The following HHAT variants were observed in gnomAD, a reference collection of about 807,000 sequenced individuals.
The protein encoded by HHAT is protein-cysteine N-palmitoyltransferase HHAT.
HHAT carries 47 observed loss-of-function variants against 70.8 expected under a neutral mutation model. The observed-to-expected ratio is 0.66, with a 90% confidence interval of 0.53 to 0.85. The LOEUF is 0.85. Among genes scored for constraint, HHAT ranks in the 40% least tolerant of loss-of-function variants. The pLI is 0.00. For missense variants in HHAT, 609 were observed against 604.8 expected, an observed-to-expected ratio of 1.01 and a Z score of -0.07; for synonymous variants, 228 against 247.6, an observed-to-expected ratio of 0.92 and a Z score of 0.74.
chr1:210,578,531 T>A (rs1251098422), intron 9 of HHAT, among the ~76,000 whole-genome samples: 1 of 152,220 alleles, frequency 6.6e-6, no homozygotes, highest in Non-Finnish European at 1.5e-5. Context: ...CCATATTCAT[T>A]TCAGCATTAT....
At chr1:210,334,262 G>C (rs115559165) in intron 1 of HHAT, among the ~76,000 whole-genome samples, 2,172 of 142,876 alleles carry the variant, frequency 0.015, 43 homozygotes, top group African/African-American at 0.054. Context: ...AACTTCCCAG[G>C]CTCCCACCTC....
In HHAT at chr1:210,572,060, G is replaced by A. The variant is rs539619144; in HGVS notation, c.1044-15838G>A. Among the ~76,000 whole-genome samples, 3 of 152,194 alleles carry A rather than the reference G, an allele frequency of 2.0e-5. No individual in the cohort carries two copies. The South Asian group carries it at 6.2e-4, about 32-fold the overall frequency. On this transcript the variant is annotated intron_variant, in intron 9 of 11. Transcript: ENST00000261458. ...GAGCGTGGGATGATGGTCTTGCTTT[G>A]TTTCCGTAAATGTTACACTGGCACG...
intron 9 of HHAT, among the ~76,000 whole-genome samples, chr1:210,570,447 C>A (rs1004183871): frequency 5.9e-5 from 9 of 152,170 alleles, no homozygotes; most frequent in African/African-American, 2.2e-4. Flanking sequence ...CAGTGTAGCC[C>A]CTGGGAACTA....
chr1:210,479,293 A>G (rs770940894), intron 8 of HHAT, among the ~76,000 whole-genome samples: 93 of 152,270 alleles, frequency 6.1e-4, no homozygotes, highest in Middle Eastern at 6.8e-3. Flanking sequence ...TTGAGCACCT[A>G]CTATGGGCCA....
chr1:210,499,946 G>A (rs1288278623), intron 8 of HHAT, among the ~76,000 whole-genome samples: 7 of 152,148 alleles, frequency 4.6e-5, no homozygotes, highest in Non-Finnish European at 1.0e-4. Flanking sequence ...TGATAATAAA[G>A]TCAAATACAT....
rs145634534 is a variant in HHAT at position 210,492,056 on chromosome 1, C to T, written c.1008-21097C>T. ...GGGATTATGGGTGTGAGCCACTGCACCTGGCCCTGTCTTTAGTTCCTATAA... is the reference window on the plus strand; with the variant it reads ...GGGATTATGGGTGTGAGCCACTGCATCTGGCCCTGTCTTTAGTTCCTATAA... On this transcript the variant is annotated intron_variant, in intron 8 of 11. Transcript: ENST00000261458. Among the ~76,000 whole-genome samples the T allele has an allele frequency of 2.6e-3, 390 of 152,280 alleles. 1 individual carries two copies. Among genetic ancestry groups the T allele is most frequent in the African/African-American group, 8.8e-3 (367 of 41,548 alleles).
intron 6 of HHAT, among the ~76,000 whole-genome samples, chr1:210,413,339 G>C (rs1226165110): frequency 1.3e-5 from 2 of 152,156 alleles, no homozygotes; most frequent in African/African-American, 4.8e-5. Flanking sequence ...CCTGGCTTCT[G>C]TTTAAACAGC....
chr1:210,532,270 A>G (rs2095322846), intron 9 of HHAT, among the ~76,000 whole-genome samples: 1 of 152,214 alleles, frequency 6.6e-6, no homozygotes, highest in Non-Finnish European at 1.5e-5. Flanking sequence ...GAGAAAGTGC[A>G]TCTGATTACA....
intron 9 of HHAT, among the ~76,000 whole-genome samples, chr1:210,535,734 G>A (rs184384886): frequency 1.3e-5 from 2 of 152,244 alleles, no homozygotes; most frequent in South Asian, 2.1e-4. Context: ...AGAAAATATA[G>A]CAAAGGTTTT....
intron 9 of HHAT, among the ~76,000 whole-genome samples, chr1:210,534,519 T>C (rs1573103922): frequency 6.6e-6 from 1 of 152,144 alleles, no homozygotes; most frequent in Non-Finnish European, 1.5e-5. Context: ...CTAGAAGTGT[T>C]GAATTTTAAT....
At chr1:210,385,454 G>A (rs1558407769) in intron 3 of HHAT, among the ~76,000 whole-genome samples, 1 of 152,122 alleles carries the variant, frequency 6.6e-6, no homozygotes, top group Admixed American at 6.5e-5. Flanking sequence ...GTGGATCAGG[G>A]ATCAGGAGCC....
chr1:210,440,928 A>G (rs932125018), intron 7 of HHAT, among the ~76,000 whole-genome samples: 3 of 152,226 alleles, frequency 2.0e-5, no homozygotes, highest in Non-Finnish European at 4.4e-5. Flanking sequence ...TTTATGCAGA[A>G]AATAAGATTC....
intron 9 of HHAT, among the ~76,000 whole-genome samples, chr1:210,577,777 G>A (rs1379831562): frequency 2.0e-5 from 3 of 149,622 alleles, no homozygotes; most frequent in Non-Finnish European, 4.4e-5. Flanking sequence ...CTTACAAATA[G>A]TGGGATTACA....
intron 11 of HHAT, among the ~76,000 whole-genome samples, chr1:210,657,620 C>T (rs562100584): frequency 9.2e-5 from 14 of 152,348 alleles, no homozygotes; most frequent in South Asian, 2.1e-4. Context: ...CCAACAACTG[C>T]TCTAGGAAAA....
At chr1:210,381,783 C>T (rs752680128) in intron 3 of HHAT, among the ~76,000 whole-genome samples, 2 of 152,116 alleles carry the variant, frequency 1.3e-5, no homozygotes, top group Non-Finnish European at 2.9e-5. Context: ...TCCAAAAAGA[C>T]TCCAAAAACA....
chr1:210,477,117 A>T (rs12031202), intron 8 of HHAT, among the ~76,000 whole-genome samples: 16,253 of 152,218 alleles, frequency 0.11, 992 homozygotes, highest in East Asian at 0.23. Context: ...GACTGAAGAG[A>T]CAGGTGACAA....
intron 10 of HHAT, among the ~76,000 whole-genome samples, chr1:210,601,604 A>G (rs1664280223): frequency 6.6e-6 from 1 of 152,150 alleles, no homozygotes. Flanking sequence ...TCAGCACCTT[A>G]TGTAGAAGAC....
intron 8 of HHAT, among the ~76,000 whole-genome samples, chr1:210,478,848 G>A (rs1415186997): frequency 6.6e-6 from 1 of 152,170 alleles, no homozygotes; most frequent in Admixed American, 6.5e-5. Flanking sequence ...CCCGAGGAAT[G>A]TGTCATGAAA....
chr1:210,641,528 C>T (rs769911845), intron 11 of HHAT, among the ~76,000 whole-genome samples: 2 of 152,176 alleles, frequency 1.3e-5, no homozygotes, highest in African/African-American at 2.4e-5. Context: ...TATGTTTGAA[C>T]TTTATTTAAA....
Sources: gnomAD v4.1 joint callset for allele counts (sites outside exome capture counted in the v4.1 genomes callset) on GRCh38, gnomAD v4.1.1 for gene constraint, MANE v1.5 for transcripts, NCBI Gene and HGNC (gene_info 2026-07-23, HGNC 2026-07-21) for gene names.